Variants in CTRC observed in about 807,000 individuals in gnomAD.
The protein encoded by CTRC is chymotrypsin-C.
A neutral mutation model predicts 35.7 loss-of-function variants in CTRC; 32 were observed. The ratio of observed to expected loss-of-function variants is 0.90; its 90% CI spans 0.68 to 1.20. CTRC has a LOEUF of 1.20. Among genes scored for constraint, CTRC ranks in the 50% most tolerant of loss-of-function variants. CTRC has a pLI of 0.00. For missense variants in CTRC, 324 were observed against 361.5 expected (o/e 0.90, Z 0.84); for synonymous variants, 119 against 149.5 (o/e 0.80, Z 1.49).
At chr1:15,443,346 C>T in intron 4 of CTRC, 73 bp from the exon 5 acceptor site, 1 of 1,599,052 alleles carries the variant, frequency 6.3e-7, no homozygotes, top group Non-Finnish European at 8.6e-7. Flanking sequence ...CAACTCACAG[C>T]CCGAGCCCCT....
Position 15,446,613 on chromosome 1 carries a change from C to T in CTRC, c.*24C>T, listed in dbSNP as rs368917490. ...GATTTGTTGCTGGGAGCGGCGGCAG[C>T]GAGTCCCTGCAACAGCAATAAACTT... On this transcript the variant is annotated 3_prime_UTR_variant, in exon 8 of 8. Transcript: ENST00000375949. The T allele has an allele frequency of 5.1e-5, 82 of 1,614,086 alleles. No individual in the cohort carries two copies. In the African/African-American group the frequency reaches 8.1e-4, roughly 16 times the overall value.
intron 5 of CTRC, 132 bp from the exon 6 acceptor site, chr1:15,444,474 G>A (rs1708185465): frequency 1.9e-6 from 2 of 1,072,402 alleles, no homozygotes; most frequent in Non-Finnish European, 2.8e-6. Flanking sequence ...AAGGGCAGGT[G>A]TGTGGTCCGC....
intron 3 of CTRC, among the ~76,000 whole-genome samples, chr1:15,441,464 AG>A (rs1708130939): frequency 6.6e-6 from 1 of 152,076 alleles, no homozygotes; most frequent in Non-Finnish European, 1.5e-5. Context: ...CCGGTGTGGC[AG>A]GGGCAGCGTG....
rs184977421 is a variant in CTRC, at chr1:15,440,362, G to C, written c.103G>C (p.Asp35His). The C allele has an allele frequency of 6.2e-7, 1 of 1,612,302 alleles. No homozygotes were observed. Among genetic ancestry groups the C allele is most frequent in the Non-Finnish European group, 8.5e-7 (1 of 1,179,594 alleles). ...NLSARVVGGE[D>H]ARPHSWPWQI... ...ATCCGCCCGAGTGGTGGGAGGAGAG[G>C]ATGCCCGGCCCCACAGCTGGCCCTG... The change falls in exon 2 of 8, where the codon GAT becomes CAT. Residue 35 changes from aspartate to histidine, a missense_variant. Asp to His is a moderately conservative substitution (Grantham distance 81). Transcript: ENST00000375949.
chr1:15,446,458 G>A, intron 7 of CTRC, 117 bp from the exon 8 acceptor site: 1 of 1,019,482 alleles, frequency 9.8e-7, no homozygotes, highest in East Asian at 2.4e-5. Context: ...AGGCTGGCAT[G>A]TGAAGGCCGG....
chr1:15,442,697 C>CA, intron 4 of CTRC, 125 bp downstream of exon 4: 1 of 1,359,112 alleles, frequency 7.4e-7, no homozygotes. Context: ...GGAAAGCCAG[C>CA]AAATGACTGT....
Position 15,447,955 on chromosome 1 carries a change from A to G in CTRC, c.*1366A>G, listed in dbSNP as rs973574287. On this transcript the variant is annotated 3_prime_UTR_variant, in exon 8 of 8. Coordinates refer to ENST00000375949, the MANE Select transcript of CTRC (RefSeq NM_007272.3). Reference sequence around the variant, plus strand: ...GACAGACCAGTAAATAGATCATTAAATTCCCTGGTATACATTTGAAAACAG... The same window carrying G: ...GACAGACCAGTAAATAGATCATTAAGTTCCCTGGTATACATTTGAAAACAG... 2.0e-5 allele frequency: 3 copies of G among 152,356 alleles called. No homozygotes were observed. Among genetic ancestry groups the G allele is most frequent in the African/African-American group, 7.2e-5 (3 of 41,580 alleles). 9.4% of individuals were successfully genotyped at this position (152,356 alleles called of 1,614,324 possible).
At chr1:15,441,270 G>A (rs570154663) in intron 3 of CTRC, among the ~76,000 whole-genome samples, 1 of 152,320 alleles carries the variant, frequency 6.6e-6, no homozygotes, top group Non-Finnish European at 1.5e-5. Flanking sequence ...AGAGCTGAAA[G>A]GGGGATATTT....
At chr1:15,440,422 TAGAG>T in intron 2 of CTRC, 31 bp downstream of exon 2, 2 of 1,612,398 alleles carry the variant, frequency 1.2e-6, no homozygotes, top group Non-Finnish European at 8.5e-7. Context: ...GAGGTACAGA[TAGAG>T]AGGGTGGCGG....
At position 15,447,986 on chromosome 1, in the gene CTRC, C is replaced by T. The variant is rs1214786265; in HGVS notation, c.*1397C>T. 2 of 151,640 alleles carry T rather than the reference C, an allele frequency of 1.3e-5. No individual in the cohort carries two copies. Among genetic ancestry groups the T allele is most frequent in the Non-Finnish European group, 2.9e-5 (2 of 68,028 alleles). 9.4% of individuals were successfully genotyped at this position (151,640 alleles called of 1,614,324 possible). On this transcript the variant is annotated 3_prime_UTR_variant, in exon 8 of 8. Coordinates refer to ENST00000375949, the MANE Select transcript of CTRC (RefSeq NM_007272.3). ...TGGTATACATTTGAAAACAGAAATACAGACCAGAAGCATAGAAACAGGACA... is the reference window on the plus strand; with the variant it reads ...TGGTATACATTTGAAAACAGAAATATAGACCAGAAGCATAGAAACAGGACA...
Position 15,447,530 on chromosome 1 carries a change from G to A in CTRC, c.*941G>A, listed in dbSNP as rs1462302889. ...CCAGTGTCCAGGGAGGGACATGCCA[G>A]TGGGATCAGACCCTGATGACAGGGG... On this transcript the variant is annotated 3_prime_UTR_variant, in exon 8 of 8. Transcript: ENST00000375949. 1 of 152,592 alleles carries A rather than the reference G, an allele frequency of 6.6e-6. No individual in the cohort carries two copies. Among genetic ancestry groups the A allele is most frequent in the African/African-American group, 2.4e-5 (1 of 41,452 alleles). 9.5% of individuals were successfully genotyped at this position (152,592 alleles called of 1,614,324 possible).
intron 3 of CTRC, among the ~76,000 whole-genome samples, chr1:15,441,455 C>T (rs1443445315): frequency 6.6e-6 from 1 of 151,818 alleles, no homozygotes. Flanking sequence ...ACGCGGAAGC[C>T]GGTGTGGCAG....
chr1:15,444,104 T>G (rs1019364081), intron 5 of CTRC, among the ~76,000 whole-genome samples: 1 of 151,852 alleles, frequency 6.6e-6, no homozygotes, highest in Non-Finnish European at 1.5e-5. Context: ...AAAAAATTTT[T>G]AAATAGCAGT....
Position 15,448,577 on chromosome 1 carries a change from A to C in CTRC, c.*1988A>C, listed in dbSNP as rs1002836008. On this transcript the variant is annotated 3_prime_UTR_variant, in exon 8 of 8. Transcript: ENST00000375949. ...TAGCCAGGATGGTCTCGATCTCCTG[A>C]TCTCGTGATCCACCTGCCTCGGCCT... 119 of 150,326 alleles carry C rather than the reference A, an allele frequency of 7.9e-4. No homozygotes were observed. The highest frequency in any genetic ancestry group is 2.8e-3 in the African/African-American group (115 of 40,884). 9.3% of individuals were successfully genotyped at this position (150,326 alleles called of 1,614,324 possible).
At chr1:15,445,544 A>C (rs1462973577) in intron 6 of CTRC, 53 bp from the exon 7 acceptor site, 1 of 1,594,786 alleles carries the variant, frequency 6.3e-7, no homozygotes, top group African/African-American at 1.3e-5. Context: ...CTGCTTCCCA[A>C]GACTTCCTCT....
intron 7 of CTRC, among the ~76,000 whole-genome samples, 181 bp downstream of exon 7, chr1:15,445,930 GTATTTATT>G (rs1469147134): frequency 3.3e-5 from 5 of 149,870 alleles, no homozygotes; most frequent in Non-Finnish European, 5.9e-5. Context: ...ACTCATTCAT[GTATTTATT>G]CATTTATTCA....
chr1:15,439,694 A>T (rs553879949), intron 1 of CTRC, among the ~76,000 whole-genome samples: 14 of 152,266 alleles, frequency 9.2e-5, no homozygotes, highest in Admixed American at 7.8e-4. Context: ...CAGACAGAAG[A>T]ACACAGGTGT....
At chr1:15,443,100 T>C (rs1708159778) in intron 4 of CTRC, among the ~76,000 whole-genome samples, 1 of 152,224 alleles carries the variant, frequency 6.6e-6, no homozygotes, top group Admixed American at 6.5e-5. Context: ...AGTTCTCAAC[T>C]TGCTATAGCC....
chr1:15,445,975 T>C (rs12409952), intron 7 of CTRC, among the ~76,000 whole-genome samples: 3 of 146,978 alleles, frequency 2.0e-5, no homozygotes, highest in Admixed American at 6.8e-5. Context: ...TTCATTCATT[T>C]ATTCACTTAT....
Sources: gnomAD v4.1 joint callset for allele counts (sites outside exome capture counted in the v4.1 genomes callset) on GRCh38, gnomAD v4.1.1 for gene constraint, MANE v1.5 for transcripts, NCBI Gene and HGNC (gene_info 2026-07-23, HGNC 2026-07-21) for gene names.